NCOA2: variants seen among roughly 807,000 people sequenced by gnomAD.
NCOA2 encodes the protein nuclear receptor coactivator 2, also known as class E basic helix-loop-helix protein 75.
In NCOA2, 21 loss-of-function variants were observed where a neutral mutation model predicts 145.1. The ratio of observed to expected loss-of-function variants is 0.14; its 90% CI spans 0.10 to 0.21. The LOEUF (loss-of-function observed/expected upper bound fraction) is 0.21, where lower values mean the gene tolerates loss of function less well. NCOA2 is among the 10% of genes least tolerant of loss of function. The pLI is 1.00. For synonymous variants in NCOA2, 619 were observed against 637.5 expected, an observed-to-expected ratio of 0.97 and a Z score of 0.44; for missense variants, 1,472 against 1,837.6, an observed-to-expected ratio of 0.80 and a Z score of 3.64.
intron 1 of NCOA2, 63 bp downstream of exon 1, chr8:70,403,637 G>A: frequency 2.9e-6 from 1 of 348,484 alleles, no homozygotes; most frequent in Non-Finnish European, 5.2e-6. Flanking sequence ...TGGGGACGCG[G>A]CGCCCCCCGC....
At chr8:70,148,730 A>G (rs571769381) in intron 11 of NCOA2, among the ~76,000 whole-genome samples, 8 of 152,380 alleles carry the variant, frequency 5.3e-5, no homozygotes, top group African/African-American at 1.4e-4. Flanking sequence ...AATAAGAAAG[A>G]AAGCTCTCTT....
intron 21 of NCOA2, among the ~76,000 whole-genome samples, chr8:70,123,197 A>G (rs564114461): frequency 6.6e-6 from 1 of 152,318 alleles, no homozygotes; most frequent in South Asian, 2.1e-4. Context: ...TTATTTTAAA[A>G]AATCATTGCC....
At chr8:70,289,756 C>A (rs1826519807) in intron 2 of NCOA2, among the ~76,000 whole-genome samples, 1 of 152,170 alleles carries the variant, frequency 6.6e-6, no homozygotes, top group Non-Finnish European at 1.5e-5. Flanking sequence ...AAAGATCCTC[C>A]TCAAAATTGG....
At chr8:70,121,562 G>A (rs959199363) in intron 21 of NCOA2, among the ~76,000 whole-genome samples, 171 bp from the exon 22 acceptor site, 6 of 152,162 alleles carry the variant, frequency 3.9e-5, no homozygotes, top group Admixed American at 6.5e-5. Flanking sequence ...CGTATTTTGC[G>A]GAGTCTAGAG....
At chr8:70,255,037 A>G (rs996176346) in intron 2 of NCOA2, among the ~76,000 whole-genome samples, 1 of 152,204 alleles carries the variant, frequency 6.6e-6, no homozygotes, top group Non-Finnish European at 1.5e-5. Flanking sequence ...CACAAGAAGG[A>G]AAACAAAATA....
intron 1 of NCOA2, among the ~76,000 whole-genome samples, chr8:70,363,211 G>A (rs901135411): frequency 4.0e-5 from 6 of 151,424 alleles, no homozygotes; most frequent in South Asian, 2.1e-4. Flanking sequence ...GTGAAACCCC[G>A]TCTCTACTAA....
At chr8:70,128,385 G>A (rs1387573861) in intron 18 of NCOA2, 48 bp downstream of exon 18, 1 of 1,497,694 alleles carries the variant, frequency 6.7e-7, no homozygotes. Context: ...AATGACAAAA[G>A]CAGCTGCATG....
chr8:70,138,783 T>C (rs1056851233), intron 14 of NCOA2, among the ~76,000 whole-genome samples: 1 of 152,272 alleles, frequency 6.6e-6, no homozygotes, highest in African/African-American at 2.4e-5. Context: ...TGGCATCGTT[T>C]TACATTTCTG....
intron 2 of NCOA2, among the ~76,000 whole-genome samples, chr8:70,221,978 G>A (rs1011151129): frequency 6.6e-6 from 1 of 151,922 alleles, no homozygotes; most frequent in African/African-American, 2.4e-5. Flanking sequence ...TTTTTTACTA[G>A]ATCATAAGGG....
chr8:70,351,881 T>C (rs1809279840), intron 1 of NCOA2, among the ~76,000 whole-genome samples: 1 of 151,796 alleles, frequency 6.6e-6, no homozygotes, highest in African/African-American at 2.4e-5. Context: ...CCACACCCAG[T>C]GTGAGTTCAC....
In NCOA2 at chr8:70,170,376, G is replaced by A. The variant is rs1295140953; in HGVS notation, c.367C>T (p.Leu123Phe). ...TTCACTACAAAGAAGAACCCATCAA[G>A]GGCCTAGGGAACAAAGTACAAATTG... is the stretch of plus-strand genomic sequence containing the variant. Reference protein sequence around the residue: ...DALGPMMLEALDGFFFVVNLE... With the variant: ...DALGPMMLEAFDGFFFVVNLE... Residue 123 changes from leucine (L) to phenylalanine (F), a missense_variant, in exon 6 of 23, where the codon CTT becomes TTT. Around this residue, in one of 4 missense-constraint regions of NCOA2, gnomAD observed 284 missense variants for 467.8 expected, o/e 0.61. Transcript: ENST00000452400. 1.3e-6 allele frequency: 2 copies of A among 1,578,814 alleles called. No individual in the cohort carries two copies. Among genetic ancestry groups the A allele is most frequent in the South Asian group, 1.2e-5 (1 of 85,832 alleles).
chr8:70,288,953 A>T (rs1826458497), intron 2 of NCOA2, among the ~76,000 whole-genome samples: 2 of 152,188 alleles, frequency 1.3e-5, no homozygotes, highest in Admixed American at 6.5e-5. Context: ...GTTACAAAAA[A>T]ATCTAAATTC....
intron 10 of NCOA2, among the ~76,000 whole-genome samples, chr8:70,159,244 T>TATATATATATATATATATATGTATATATA: frequency 0.058 from 3,990 of 68,786 alleles, 709 homozygotes; most frequent in Non-Finnish European, 0.075. Flanking sequence ...ATATATATAT[T>TATATATATATATATATATATGTATATATA]TTTTTTTTTT....
chr8:70,354,632 AAT>A (rs1391733097), intron 1 of NCOA2, among the ~76,000 whole-genome samples: 1 of 152,174 alleles, frequency 6.6e-6, no homozygotes, highest in African/African-American at 2.4e-5. Flanking sequence ...GAAATTTAAC[AAT>A]ATGTTTCTAA....
rs538732239 is a variant in NCOA2, at chr8:70,403,429, T to C, written c.-77+271A>G. 1.6e-3 allele frequency among the ~76,000 whole-genome samples: 237 copies of C among 151,338 alleles called. 1 individual carries two copies. The highest frequency in any genetic ancestry group is 2.6e-3 in the Non-Finnish European group (177 of 67,708). ...AAGGCGCTGGAGCGCCTCCTTTCTCTCCCGGGGACTCCGCGTCTCCCCGTC... is the reference window on the plus strand; with the variant it reads ...AAGGCGCTGGAGCGCCTCCTTTCTCCCCCGGGGACTCCGCGTCTCCCCGTC... On this transcript the variant is annotated intron_variant, in intron 1 of 22. Transcript: ENST00000452400.
intron 1 of NCOA2, among the ~76,000 whole-genome samples, chr8:70,323,418 A>T (rs1806264045): frequency 6.6e-6 from 1 of 152,260 alleles, no homozygotes; most frequent in African/African-American, 2.4e-5. Flanking sequence ...AGCAACAGCG[A>T]GAAAGCACAC....
At chr8:70,338,819 C>T (rs1316920918) in intron 1 of NCOA2, among the ~76,000 whole-genome samples, 1 of 152,130 alleles carries the variant, frequency 6.6e-6, no homozygotes, top group Non-Finnish European at 1.5e-5. Flanking sequence ...AAATGTGCTT[C>T]ACTACATAAA....
intron 1 of NCOA2, among the ~76,000 whole-genome samples, chr8:70,399,650 T>C (rs1814034255): frequency 6.6e-6 from 1 of 152,248 alleles, no homozygotes; most frequent in Non-Finnish European, 1.5e-5. Context: ...TAGCAGTTTT[T>C]TCATAACAAT....
intron 2 of NCOA2, among the ~76,000 whole-genome samples, chr8:70,289,151 C>T (rs1826476234): frequency 6.6e-6 from 1 of 152,176 alleles, no homozygotes; most frequent in South Asian, 2.1e-4. Flanking sequence ...CATACTCTGT[C>T]TTATAACCCA....
Sources: allele counts gnomAD v4.1 joint callset (sites outside exome capture counted in the v4.1 genomes callset), GRCh38; gene constraint gnomAD v4.1.1; regional missense constraint gnomAD v4.1.1; transcripts MANE v1.5; gene names NCBI Gene and HGNC (gene_info 2026-07-23, HGNC 2026-07-21).